The following HDAC9 variants were observed in gnomAD, a reference collection of about 807,000 sequenced individuals.
HDAC9 encodes histone deacetylase 9.
In HDAC9, 41 loss-of-function variants were observed where a neutral mutation model predicts 139.4. The ratio of observed to expected loss-of-function variants is 0.29; its 90% CI spans 0.23 to 0.38. HDAC9 has a LOEUF of 0.38. Among genes scored for constraint, HDAC9 ranks in the 10% least tolerant of loss-of-function variants. The probability of loss-of-function intolerance (pLI) is 1.00; values close to 1 mark genes in which losing one functional copy is unlikely to be tolerated. For synonymous variants in HDAC9, 517 were observed against 476.2 expected (o/e 1.09, Z -1.12); for missense variants, 1,147 against 1,297.0 (o/e 0.88, Z 1.78).
chr7:18,840,027 T>C (rs1263436845), intron 21 of HDAC9, among the ~76,000 whole-genome samples: 1 of 152,090 alleles, frequency 6.6e-6, no homozygotes, highest in Admixed American at 6.6e-5. Flanking sequence ...AAGATTTTAT[T>C]TAGTAGTCCT....
intron 25 of HDAC9, among the ~76,000 whole-genome samples, chr7:18,980,758 CCTT>C (rs146276589): frequency 0.22 from 31,176 of 139,376 alleles, 4,103 homozygotes; most frequent in African/African-American, 0.38. Flanking sequence ...TCTTCTTCTT[CCTT>C]CTTCTTCTTC....
chr7:18,618,726 G>GTATATATATATATATATA (rs71014394), intron 6 of HDAC9, among the ~76,000 whole-genome samples: 12 of 120,044 alleles, frequency 1.0e-4, no homozygotes, highest in East Asian at 2.2e-4. Flanking sequence ...ACAGAATTTT[G>GTATATATATATATATATA]TATATATATA....
At chr7:18,663,335 A>T (rs886199126) in intron 11 of HDAC9, among the ~76,000 whole-genome samples, 3 of 152,026 alleles carry the variant, frequency 2.0e-5, no homozygotes, top group Non-Finnish European at 4.4e-5. Flanking sequence ...AAGGAGAAGA[A>T]TCGCAACAGA....
chr7:18,547,207 G>A (rs2128641210), intron 2 of HDAC9, among the ~76,000 whole-genome samples: 1 of 152,302 alleles, frequency 6.6e-6, no homozygotes, highest in South Asian at 2.1e-4. Context: ...TCAGGGTGGT[G>A]GTTGCTGAAG....
intron 13 of HDAC9, among the ~76,000 whole-genome samples, chr7:18,744,689 A>G (rs1439940902): frequency 6.6e-6 from 1 of 152,196 alleles, no homozygotes; most frequent in Non-Finnish European, 1.5e-5. Flanking sequence ...ACAGAAATAG[A>G]TTATATGGCT....
intron 6 of HDAC9, among the ~76,000 whole-genome samples, chr7:18,595,151 T>C (rs906030952): frequency 6.6e-6 from 1 of 152,094 alleles, no homozygotes; most frequent in Non-Finnish European, 1.5e-5. Flanking sequence ...TAGCATATAT[T>C]GAAGGCACTA....
chr7:18,788,711 A>G (rs1792034084), intron 16 of HDAC9, among the ~76,000 whole-genome samples: 1 of 150,172 alleles, frequency 6.7e-6, no homozygotes, highest in Non-Finnish European at 1.5e-5. Context: ...GCCAAGATCG[A>G]GCTACTGCAC....
intron 6 of HDAC9, among the ~76,000 whole-genome samples, chr7:18,627,117 G>A (rs1333694623): frequency 3.3e-5 from 5 of 152,176 alleles, no homozygotes; most frequent in Non-Finnish European, 7.3e-5. Flanking sequence ...CACAAATGAA[G>A]AATCAGGCTT....
At chr7:18,867,804 T>G (rs561385092) in intron 21 of HDAC9, among the ~76,000 whole-genome samples, 1 of 152,314 alleles carries the variant, frequency 6.6e-6, no homozygotes, top group African/African-American at 2.4e-5. Flanking sequence ...TATTTAAATA[T>G]AGGACTTCTG....
rs1826912374 is a variant in HDAC9, at chr7:18,578,963, A to T, written c.23-6318A>T. Among the ~76,000 whole-genome samples the T allele has an allele frequency of 1.3e-5, 2 of 152,216 alleles. 1 individual carries two copies. Among genetic ancestry groups the T allele is most frequent in the Admixed American group, 1.3e-4 (2 of 15,284 alleles). On this transcript the variant is annotated intron_variant, in intron 2 of 25. Coordinates refer to ENST00000686413, the MANE Select transcript of HDAC9 (RefSeq NM_178425.4). ...ATCAGTATTGAGTATTGCTATAGGA[A>T]GTTATTCCTTATTGATTTTGATTTG...
In HDAC9 at chr7:18,514,649, A is replaced by G. The variant is rs527751227; in HGVS notation, c.22+18325A>G. ...TTCCCCAGTTTATTTTAATCAAAAT[A>G]ATTTTCTTGGCTGTGTGCTGTGGCC... On this transcript the variant is annotated intron_variant, in intron 2 of 25. Coordinates refer to ENST00000686413, the MANE Select transcript of HDAC9 (RefSeq NM_178425.4). 1.3e-4 allele frequency among the ~76,000 whole-genome samples: 20 copies of G among 152,328 alleles called. No homozygotes were observed. In the South Asian group the frequency reaches 3.5e-3, roughly 27 times the overall value.
At chr7:18,766,818 T>A (rs1196797125) in intron 15 of HDAC9, among the ~76,000 whole-genome samples, 2 of 152,150 alleles carry the variant, frequency 1.3e-5, no homozygotes, top group African/African-American at 4.8e-5. Flanking sequence ...GAAAAAAATC[T>A]TGTGACCCAA....
chr7:18,990,346 C>T (rs183386083), intron 25 of HDAC9, among the ~76,000 whole-genome samples: 1 of 151,074 alleles, frequency 6.6e-6, no homozygotes, highest in Non-Finnish European at 1.5e-5. Flanking sequence ...GGGTGCCTCC[C>T]AGTTAGGCTG....
intron 21 of HDAC9, among the ~76,000 whole-genome samples, chr7:18,861,495 G>A (rs1798104958): frequency 6.6e-6 from 1 of 152,012 alleles, no homozygotes; most frequent in Non-Finnish European, 1.5e-5. Flanking sequence ...TAGGGAGGTG[G>A]CATCATTCTC....
intron 23 of HDAC9, chr7:18,949,481 T>C (rs1336055434): frequency 4.6e-6 from 1 of 218,118 alleles, no homozygotes; most frequent in Non-Finnish European, 9.7e-6. Flanking sequence ...GGTGGTGGTA[T>C]TTCAAAGCCC....
chr7:18,849,870 G>A (rs921691757), intron 21 of HDAC9, among the ~76,000 whole-genome samples: 1 of 152,074 alleles, frequency 6.6e-6, no homozygotes, highest in African/African-American at 2.4e-5. Flanking sequence ...ATCATGGTGT[G>A]GCAATGCCAT....
intron 2 of HDAC9, among the ~76,000 whole-genome samples, chr7:18,527,364 C>CT: frequency 6.6e-6 from 1 of 152,176 alleles, no homozygotes; most frequent in Middle Eastern, 3.4e-3. Context: ...TCTCCTTTTG[C>CT]TATATGGACT....
chr7:18,102,753 A>C (rs1161339308), intron 1 of HDAC9, among the ~76,000 whole-genome samples: 1 of 152,182 alleles, frequency 6.6e-6, no homozygotes, highest in Non-Finnish European at 1.5e-5. Flanking sequence ...AAACCATGTG[A>C]CAAAGTTCTG....
intron 1 of HDAC9, among the ~76,000 whole-genome samples, chr7:18,362,932 A>G (rs990480380): frequency 3.3e-5 from 5 of 152,162 alleles, no homozygotes; most frequent in Admixed American, 6.5e-5. Flanking sequence ...TGCTGAATTT[A>G]TGGTAGAACA....
Sources: allele counts gnomAD v4.1 joint callset (sites outside exome capture counted in the v4.1 genomes callset), GRCh38; gene constraint gnomAD v4.1.1; transcripts MANE v1.5; gene names NCBI Gene and HGNC (gene_info 2026-07-23, HGNC 2026-07-21).